The following METTL13 variants were observed in gnomAD, a reference collection of about 807,000 sequenced individuals.
The protein encoded by METTL13 is eEF1A lysine and N-terminal methyltransferase.
In METTL13, 52 loss-of-function variants were observed where a neutral mutation model predicts 67.4. That is an observed-to-expected ratio of 0.77 (90% CI 0.62 to 0.97). The LOEUF (loss-of-function observed/expected upper bound fraction) is 0.97, where lower values mean the gene tolerates loss of function less well. METTL13 is among the 50% of genes least tolerant of loss of function. The pLI is 0.00. For missense variants in METTL13, 825 were observed against 889.6 expected, an observed-to-expected ratio of 0.93 and a Z score of 0.92; for synonymous variants, 354 against 353.6, an observed-to-expected ratio of 1.00 and a Z score of -0.01.
chr1:171,794,449 CTG>C lies in METTL13; in HGVS notation c.1748_1749del (p.Leu583ArgfsTer19), dbSNP rs1657301397. 1 of 1,614,228 alleles carries C rather than the reference CTG, an allele frequency of 6.2e-7. No individual in the cohort carries two copies. The highest frequency in any genetic ancestry group is 8.5e-7 in the Non-Finnish European group (1 of 1,180,040). On this transcript the variant is annotated frameshift_variant, in exon 7 of 8. Transcript: ENST00000361735. LOFTEE classifies it high-confidence loss of function. ...TGATGTTGACAGTAAGGACCCAACA[CTG>C]GGAATGAGTTGTCCGCCCCCAGCAT... ...MFDVDSKDPT[L>X]GMSCPPPAFV...
intron 3 of METTL13, among the ~76,000 whole-genome samples, chr1:171,786,998 C>G (rs1440865306): frequency 6.6e-6 from 1 of 151,918 alleles, no homozygotes; most frequent in Non-Finnish European, 1.5e-5. Flanking sequence ...TGTGGTTTTG[C>G]CCACTAGGCT....
Position 171,784,394 on chromosome 1 carries a change from C to A in METTL13, c.808C>A (p.Leu270Met). The A allele has an allele frequency of 6.4e-7, 1 of 1,561,876 alleles. No homozygotes were observed. Among genetic ancestry groups the A allele is most frequent in the Non-Finnish European group, 8.7e-7 (1 of 1,154,490 alleles). ...CAAGGCCAGGCTGGGGAGTGTGTCT[C>A]TGGACTTGTGCGATGGGGACACGGG... ...RRKARLGSVS[L>M]DLCDGDTGEP... Residue 270 changes from leucine to methionine, a missense_variant, in exon 2 of 8, where the codon CTG (leucine) becomes ATG (methionine). Physicochemically the swap from Leu to Met is conservative, Grantham distance 15 (BLOSUM62 2). Transcript: ENST00000361735.
At chr1:171,790,850 GTTCAT>G (rs765942209) in intron 5 of METTL13, 2 of 374,186 alleles carry the variant, frequency 5.3e-6, no homozygotes, top group Non-Finnish European at 4.6e-6. Flanking sequence ...TATTTTTTCT[GTTCAT>G]TTCTTTTTAA....
At chr1:171,792,990 T>C (rs1397348799) in intron 6 of METTL13, among the ~76,000 whole-genome samples, 2 of 152,202 alleles carry the variant, frequency 1.3e-5, no homozygotes, top group Non-Finnish European at 1.5e-5. Flanking sequence ...TTCTGTAAAA[T>C]ACTAGGGACA....
intron 1 of METTL13, 116 bp from the exon 2 acceptor site, chr1:171,783,624 C>T (rs978519340): frequency 1.3e-5 from 15 of 1,194,870 alleles, no homozygotes; most frequent in South Asian, 1.5e-5. Flanking sequence ...CTGGCAGTAG[C>T]GTCTCCACCT....
intron 7 of METTL13, among the ~76,000 whole-genome samples, chr1:171,795,509 C>A (rs1361631532): frequency 6.6e-6 from 1 of 152,208 alleles, no homozygotes; most frequent in African/African-American, 2.4e-5. Context: ...CTACATGATG[C>A]TTCCTACACG....
At chr1:171,790,143 C>T (rs1433617806) in intron 4 of METTL13, among the ~76,000 whole-genome samples, 2 of 152,134 alleles carry the variant, frequency 1.3e-5, no homozygotes, top group East Asian at 3.9e-4. Context: ...TCAACAACAG[C>T]TCTAGAGTGA....
At chr1:171,792,278 G>T in intron 6 of METTL13, 43 bp downstream of exon 6, 1 of 1,607,370 alleles carries the variant, frequency 6.2e-7, no homozygotes, top group South Asian at 1.1e-5. Context: ...AGGGATGATT[G>T]ATGCGACATT....
At position 171,784,516 on chromosome 1, in the gene METTL13, C is replaced by T. The variant is rs371511385; in HGVS notation, c.913+17C>T. 6.7e-7 allele frequency: 1 copy of T among 1,490,948 alleles called. No homozygotes were observed. The highest frequency in any genetic ancestry group is 8.9e-7 in the Non-Finnish European group (1 of 1,122,252). 92.4% of individuals were successfully genotyped at this position (1,490,948 alleles called of 1,614,324 possible). ...TTTTCATCAGTGAGTTGGGATTGCTCCCTCTCTTCCCTGGAGGGGCTGGCT... is the reference window on the plus strand; with the variant it reads ...TTTTCATCAGTGAGTTGGGATTGCTTCCTCTCTTCCCTGGAGGGGCTGGCT... On this transcript the variant is annotated intron_variant, in intron 2 of 7. Transcript: ENST00000361735.
chr1:171,790,579 T>A lies in METTL13; in HGVS notation c.1437T>A (p.Ala479=). ...GTGAACACCACAAAGCCATGATCGC[T>A]GGCCTTGCCCTGCTGAGAAACCCAG... The part of the protein sequence containing the change: ...LCCEHHKAMI[A]GLALLRNPEL... Residue 479 remains alanine (A), a synonymous_variant, in exon 5 of 8, where the codon GCT becomes GCA. Transcript: ENST00000361735. The A allele has an allele frequency of 6.3e-7, 1 of 1,598,248 alleles. No homozygotes were observed. Among genetic ancestry groups the A allele is most frequent in the Non-Finnish European group, 8.5e-7 (1 of 1,174,018 alleles).
chr1:171,792,374 A>G, intron 6 of METTL13, 139 bp downstream of exon 6: 2 of 937,470 alleles, frequency 2.1e-6, no homozygotes, highest in Non-Finnish European at 3.2e-6. Context: ...ATTTGTTGAT[A>G]TACTTATTCA....
At chr1:171,788,966 C>T (rs2124901701) in intron 4 of METTL13, among the ~76,000 whole-genome samples, 1 of 152,250 alleles carries the variant, frequency 6.6e-6, no homozygotes, top group Middle Eastern at 3.4e-3. Context: ...AGGGGTTTTC[C>T]CTGGCCAAGA....
intron 7 of METTL13, 46 bp from the exon 8 acceptor site, chr1:171,796,436 T>C (rs374763197): frequency 3.7e-4 from 597 of 1,598,642 alleles, no homozygotes; most frequent in Non-Finnish European, 4.8e-4. Flanking sequence ...GTCTTTCATA[T>C]GTCTCCTGAT....
At chr1:171,792,545 C>T (rs1241008031) in intron 6 of METTL13, among the ~76,000 whole-genome samples, 1 of 152,140 alleles carries the variant, frequency 6.6e-6, no homozygotes, top group African/African-American at 2.4e-5. Flanking sequence ...TGAAGTCTAA[C>T]TGGGCAAAGA....
At chr1:171,794,289 A>C in intron 6 of METTL13, 107 bp from the exon 7 acceptor site, 1 of 1,504,660 alleles carries the variant, frequency 6.6e-7, no homozygotes, top group Non-Finnish European at 9.1e-7. Context: ...CATCCTTCTA[A>C]CTTAGTCACC....
rs751687945 is a variant in METTL13, at chr1:171,784,391, T to C, written c.805T>C (p.Ser269Pro). 14 of 1,561,940 alleles carry C rather than the reference T, an allele frequency of 9.0e-6. No individual in the cohort carries two copies. The South Asian group carries it at 1.7e-4, about 19-fold the overall frequency. Reference protein sequence around the residue: ...LRRKARLGSVSLDLCDGDTGE... With the variant: ...LRRKARLGSVPLDLCDGDTGE... ...CCGCAAGGCCAGGCTGGGGAGTGTGTCTCTGGACTTGTGCGATGGGGACAC... is the reference window on the plus strand; with the variant it reads ...CCGCAAGGCCAGGCTGGGGAGTGTGCCTCTGGACTTGTGCGATGGGGACAC... The change falls in exon 2 of 8, where the codon TCT becomes CCT. Residue 269 changes from serine to proline, a missense_variant. Physicochemically the swap from Ser to Pro is moderately conservative, Grantham distance 74. Coordinates refer to ENST00000361735, the MANE Select transcript of METTL13 (RefSeq NM_015935.5).
At chr1:171,790,346 ATTGGGTC>A in intron 4 of METTL13, 99 bp from the exon 5 acceptor site, 2 of 1,268,658 alleles carry the variant, frequency 1.6e-6, no homozygotes, top group Non-Finnish European at 2.1e-6. Context: ...AATTTTAACG[ATTGGGTC>A]TTTTGAGTGT....
chr1:171,787,476 C>T (rs1016947420), intron 3 of METTL13, among the ~76,000 whole-genome samples: 1 of 152,046 alleles, frequency 6.6e-6, no homozygotes, highest in African/African-American at 2.4e-5. Flanking sequence ...CCTAAAAGAA[C>T]TTGGGGAGAA....
At chr1:171,789,285 C>T (rs1263259217) in intron 4 of METTL13, among the ~76,000 whole-genome samples, 2 of 152,318 alleles carry the variant, frequency 1.3e-5, no homozygotes. Context: ...CTGGGGAATG[C>T]AGCTGATCCC....
Sources: allele counts gnomAD v4.1 joint callset (sites outside exome capture counted in the v4.1 genomes callset), GRCh38; gene constraint gnomAD v4.1.1; transcripts MANE v1.5; gene names NCBI Gene and HGNC (gene_info 2026-07-23, HGNC 2026-07-21).